STXBP5L: variants seen among roughly 807,000 people sequenced by gnomAD.
STXBP5L encodes the protein syntaxin-binding protein 5-like.
Under a neutral mutation model 144.5 loss-of-function variants are expected in STXBP5L, and 65 were observed. The observed-to-expected ratio is 0.45, with a 90% confidence interval of 0.37 to 0.55. The LOEUF is 0.55. Ranked by LOEUF, STXBP5L falls within the 20% of genes least tolerant of loss-of-function variation. The probability of loss-of-function intolerance (pLI) is 0.00; values close to 1 mark genes in which losing one functional copy is unlikely to be tolerated. For missense variants in STXBP5L, 1,298 were observed against 1,405.5 expected, an observed-to-expected ratio of 0.92 and a Z score of 1.22; for synonymous variants, 505 against 469.6, an observed-to-expected ratio of 1.08 and a Z score of -0.97.
intron 20 of STXBP5L, among the ~76,000 whole-genome samples, chr3:121,378,187 G>A (rs1186212201): frequency 6.6e-6 from 1 of 151,706 alleles, no homozygotes; most frequent in African/African-American, 2.4e-5. Flanking sequence ...GGGGAAAGGG[G>A]AGGGAGAGTA....
At chr3:121,404,788 C>T (rs1455767008) in intron 22 of STXBP5L, among the ~76,000 whole-genome samples, 2 of 152,118 alleles carry the variant, frequency 1.3e-5, no homozygotes, top group South Asian at 4.1e-4. Flanking sequence ...GTGCTGGTTT[C>T]CTGAACCCTA....
In STXBP5L at chr3:121,090,721, G is replaced by C. The variant is rs72970674; in HGVS notation, c.471-24204G>C. ...AACATTGTTGATCATGTACAGTTTAGCTTTACTTCATGGGGACACAATTAG... is the reference window on the plus strand; with the variant it reads ...AACATTGTTGATCATGTACAGTTTACCTTTACTTCATGGGGACACAATTAG... On this transcript the variant is annotated intron_variant, in intron 5 of 26. Transcript: ENST00000471454. Among the ~76,000 whole-genome samples, 383 of 152,096 alleles carry C rather than the reference G, an allele frequency of 2.5e-3. 2 individuals carry two copies. The highest frequency in any genetic ancestry group is 8.6e-3 in the African/African-American group (359 of 41,534).
intron 7 of STXBP5L, among the ~76,000 whole-genome samples, chr3:121,132,510 A>G (rs2045040438): frequency 6.6e-6 from 1 of 152,212 alleles, no homozygotes; most frequent in Admixed American, 6.5e-5. Flanking sequence ...ATCTCTGTCT[A>G]GGCCAATTGG....
At chr3:121,329,286 C>T (rs1197715466) in intron 20 of STXBP5L, among the ~76,000 whole-genome samples, 9 of 152,094 alleles carry the variant, frequency 5.9e-5, no homozygotes, top group Admixed American at 5.2e-4. Flanking sequence ...GTATAACCTG[C>T]AATTCTTCTT....
intron 12 of STXBP5L, among the ~76,000 whole-genome samples, chr3:121,234,414 A>G (rs1270261173): frequency 6.6e-6 from 1 of 152,114 alleles, no homozygotes; most frequent in Non-Finnish European, 1.5e-5. Context: ...CTTATTTAAA[A>G]AAATTCATTA....
intron 3 of STXBP5L, among the ~76,000 whole-genome samples, chr3:120,978,147 C>G (rs1941305205): frequency 6.6e-6 from 1 of 152,194 alleles, no homozygotes; most frequent in African/African-American, 2.4e-5. Context: ...TGTTTTCCAA[C>G]TTGGTTCCAT....
chr3:121,241,503 A>G (rs2049670502), intron 14 of STXBP5L, among the ~76,000 whole-genome samples: 1 of 152,074 alleles, frequency 6.6e-6, no homozygotes, highest in Non-Finnish European at 1.5e-5. Context: ...CACCCTTATC[A>G]GGGTATAATG....
intron 5 of STXBP5L, among the ~76,000 whole-genome samples, chr3:121,103,295 C>A (rs1178667299): frequency 6.6e-6 from 1 of 152,166 alleles, no homozygotes; most frequent in African/African-American, 2.4e-5. Context: ...AACCCAGGTG[C>A]CCCTTGACAG....
chr3:120,960,969 A>AT (rs963701941), intron 3 of STXBP5L, among the ~76,000 whole-genome samples: 6 of 151,732 alleles, frequency 4.0e-5, no homozygotes, highest in Non-Finnish European at 7.4e-5. Flanking sequence ...TTGGTGAAAG[A>AT]TTTTTTTTAA....
intron 20 of STXBP5L, among the ~76,000 whole-genome samples, chr3:121,322,702 G>A (rs1225793790): frequency 6.6e-6 from 1 of 151,674 alleles, no homozygotes; most frequent in Non-Finnish European, 1.5e-5. Flanking sequence ...TTGAGGGGGT[G>A]CGGATATATG....
intron 2 of STXBP5L, chr3:120,924,520 G>C (rs1709510146): frequency 6.6e-6 from 1 of 152,302 alleles, no homozygotes; most frequent in Non-Finnish European, 1.5e-5. Context: ...TCTGGTCTCA[G>C]AGAAAAATGT....
At chr3:121,043,619 G>A (rs1408627146) in intron 4 of STXBP5L, among the ~76,000 whole-genome samples, 3 of 152,270 alleles carry the variant, frequency 2.0e-5, no homozygotes, top group East Asian at 1.9e-4. Context: ...TGAGGCAGAA[G>A]AATTGCTTGA....
At chr3:121,009,044 G>T (rs981308583) in intron 3 of STXBP5L, among the ~76,000 whole-genome samples, 1 of 151,794 alleles carries the variant, frequency 6.6e-6, no homozygotes, top group East Asian at 1.9e-4. Flanking sequence ...GTGAGTAGAT[G>T]AACTTTAAAG....
At chr3:121,211,022 A>G (rs2048543377) in intron 10 of STXBP5L, among the ~76,000 whole-genome samples, 1 of 152,190 alleles carries the variant, frequency 6.6e-6, no homozygotes, top group Admixed American at 6.5e-5. Context: ...TACATTGGGC[A>G]GTATTGCCAT....
chr3:120,993,226 A>G (rs1943067606), intron 3 of STXBP5L, among the ~76,000 whole-genome samples: 1 of 152,018 alleles, frequency 6.6e-6, no homozygotes, highest in Admixed American at 6.6e-5. Flanking sequence ...TGTTAGATGG[A>G]TAGTTTGCAA....
At chr3:120,989,097 C>T (rs1356735989) in intron 3 of STXBP5L, among the ~76,000 whole-genome samples, 2 of 152,074 alleles carry the variant, frequency 1.3e-5, no homozygotes, top group East Asian at 1.9e-4. Context: ...TTCCATATCT[C>T]TGCTATTGTG....
chr3:121,152,385 G>T (rs1559801336), intron 7 of STXBP5L, 92 bp from the exon 8 acceptor site: 7 of 892,328 alleles, frequency 7.8e-6, no homozygotes, highest in South Asian at 3.3e-5. Flanking sequence ...ATGTTATGTG[G>T]TATGATTTTA....
intron 24 of STXBP5L, among the ~76,000 whole-genome samples, chr3:121,415,522 A>C (rs986083615): frequency 5.3e-5 from 8 of 152,166 alleles, no homozygotes; most frequent in Non-Finnish European, 1.0e-4. Flanking sequence ...ATAAAAAAGA[A>C]GCTATAGTGA....
intron 22 of STXBP5L, among the ~76,000 whole-genome samples, chr3:121,392,466 A>G (rs1171609292): frequency 6.6e-6 from 1 of 152,124 alleles, no homozygotes; most frequent in Non-Finnish European, 1.5e-5. Context: ...GAATGCAGAA[A>G]TCACCCATCT....
Sources: allele counts gnomAD v4.1 joint callset (sites outside exome capture counted in the v4.1 genomes callset), GRCh38; gene constraint gnomAD v4.1.1; transcripts MANE v1.5; gene names NCBI Gene and HGNC (gene_info 2026-07-23, HGNC 2026-07-21).